Variants in ARPP21 observed in about 807,000 individuals in gnomAD.
The protein encoded by ARPP21 is cAMP-regulated phosphoprotein 21.
A neutral mutation model predicts 113.2 loss-of-function variants in ARPP21; 69 were observed. That is an observed-to-expected ratio of 0.61 (90% CI 0.50 to 0.74). The LOEUF (loss-of-function observed/expected upper bound fraction) is 0.74. Ranked by LOEUF, ARPP21 falls within the 30% of genes least tolerant of loss-of-function variation. ARPP21 has a pLI of 0.00. For synonymous variants in ARPP21, 368 were observed against 375.5 expected, an observed-to-expected ratio of 0.98 and a Z score of 0.23; for missense variants, 1,070 against 1,037.4, an observed-to-expected ratio of 1.03 and a Z score of -0.43.
chr3:35,657,052 A>C (rs1256216421), intron 1 of ARPP21, among the ~76,000 whole-genome samples: 1 of 152,102 alleles, frequency 6.6e-6, no homozygotes, highest in Non-Finnish European at 1.5e-5. Context: ...TCTGACTGAC[A>C]TAGTCCTTAA....
chr3:35,724,555 C>T (rs933087909), intron 14 of ARPP21, among the ~76,000 whole-genome samples: 8 of 152,218 alleles, frequency 5.3e-5, no homozygotes, highest in African/African-American at 1.9e-4. Context: ...ATTTGCATTT[C>T]TGACAAGTTC....
chr3:35,731,994 G>T (rs2094009641), intron 15 of ARPP21, among the ~76,000 whole-genome samples: 1 of 152,128 alleles, frequency 6.6e-6, no homozygotes, highest in South Asian at 2.1e-4. Flanking sequence ...GGATAAAAAA[G>T]TCTTAGGCAC....
At chr3:35,769,744 G>A (rs1481995656) in intron 19 of ARPP21, among the ~76,000 whole-genome samples, 1 of 152,012 alleles carries the variant, frequency 6.6e-6, no homozygotes, top group Non-Finnish European at 1.5e-5. Flanking sequence ...TGATAATTTG[G>A]AGCAGACTTT....
chr3:35,726,939 A>T (rs1055352221), intron 14 of ARPP21, among the ~76,000 whole-genome samples: 4 of 152,236 alleles, frequency 2.6e-5, no homozygotes, highest in Non-Finnish European at 5.9e-5. Flanking sequence ...CGTAGCATCA[A>T]ATTATACACA....
chr3:35,705,863 G>A (rs972572769), intron 9 of ARPP21, among the ~76,000 whole-genome samples: 3 of 151,982 alleles, frequency 2.0e-5, no homozygotes, highest in Non-Finnish European at 1.5e-5. Context: ...TTATGTACAC[G>A]TATTTAAGGA....
At chr3:35,679,337 T>C (rs1444213702) in intron 1 of ARPP21, among the ~76,000 whole-genome samples, 2 of 151,912 alleles carry the variant, frequency 1.3e-5, no homozygotes, top group East Asian at 3.9e-4. Context: ...TTCAGGTAGC[T>C]TTCATAAAGA....
chr3:35,711,173 C>A (rs2091001499), intron 11 of ARPP21, among the ~76,000 whole-genome samples: 1 of 152,126 alleles, frequency 6.6e-6, no homozygotes, highest in Admixed American at 6.5e-5. Context: ...GAGTGGAGGA[C>A]CAGCCTGTTT....
chr3:35,718,408 CAG>C (rs2092697221), intron 13 of ARPP21, among the ~76,000 whole-genome samples: 1 of 152,228 alleles, frequency 6.6e-6, no homozygotes, highest in South Asian at 2.1e-4. Flanking sequence ...TTTGAAAACT[CAG>C]AGAAAAGCTA....
chr3:35,730,684 A>T (rs904628690), intron 15 of ARPP21, among the ~76,000 whole-genome samples: 1 of 152,244 alleles, frequency 6.6e-6, no homozygotes, highest in African/African-American at 2.4e-5. Context: ...GCAAAACTGG[A>T]TAAGTATCTC....
At chr3:35,644,129 C>G (rs1292122424) in intron 1 of ARPP21, among the ~76,000 whole-genome samples, 1 of 151,658 alleles carries the variant, frequency 6.6e-6, no homozygotes, top group Admixed American at 6.6e-5. Flanking sequence ...TGCTGAAGGA[C>G]TGTTGAAGGA....
intron 19 of ARPP21, among the ~76,000 whole-genome samples, chr3:35,770,027 G>C (rs1270112663): frequency 6.6e-6 from 1 of 152,206 alleles, no homozygotes; most frequent in East Asian, 1.9e-4. Flanking sequence ...TGTTGGTACA[G>C]TTAACAGAAT....
intron 14 of ARPP21, among the ~76,000 whole-genome samples, chr3:35,725,351 A>C (rs1284486437): frequency 6.6e-6 from 1 of 152,188 alleles, no homozygotes; most frequent in Non-Finnish European, 1.5e-5. Flanking sequence ...TAAATGTTCT[A>C]AGTATAGGGA....
intron 14 of ARPP21, among the ~76,000 whole-genome samples, chr3:35,727,212 A>T (rs1439818540): frequency 6.6e-6 from 1 of 152,210 alleles, no homozygotes; most frequent in African/African-American, 2.4e-5. Flanking sequence ...AACACTTGTG[A>T]CAGGCCATGG....
At chr3:35,782,462 C>T (rs1049584138) in intron 19 of ARPP21, among the ~76,000 whole-genome samples, 12 of 152,142 alleles carry the variant, frequency 7.9e-5, no homozygotes, top group Non-Finnish European at 1.6e-4. Flanking sequence ...AATGATGTGA[C>T]AGCATTTGGT....
intron 19 of ARPP21, among the ~76,000 whole-genome samples, chr3:35,772,511 G>A (rs2096238785): frequency 6.6e-6 from 1 of 152,154 alleles, no homozygotes. Flanking sequence ...CAATTGGTTG[G>A]TGATTAGTCC....
chr3:35,666,118 A>G (rs1200789280), intron 1 of ARPP21, among the ~76,000 whole-genome samples: 2 of 152,072 alleles, frequency 1.3e-5, no homozygotes, highest in Middle Eastern at 3.2e-3. Context: ...AATAAATAGT[A>G]TATACTGAGA....
At chr3:35,778,844 T>C (rs2096455258) in intron 19 of ARPP21, among the ~76,000 whole-genome samples, 1 of 152,126 alleles carries the variant, frequency 6.6e-6, no homozygotes, top group South Asian at 2.1e-4. Context: ...GTGAGTACAA[T>C]AAGGTGCACC....
At chr3:35,779,142 G>C (rs1267424550) in intron 19 of ARPP21, among the ~76,000 whole-genome samples, 10 of 152,132 alleles carry the variant, frequency 6.6e-5, no homozygotes, top group African/African-American at 2.4e-4. Context: ...AAAGTTTGTT[G>C]GTAGATACTG....
chr3:35,674,169 G>A (rs2076964461), intron 1 of ARPP21, among the ~76,000 whole-genome samples: 1 of 151,944 alleles, frequency 6.6e-6, no homozygotes, highest in Non-Finnish European at 1.5e-5. Flanking sequence ...CCAAACAAGA[G>A]TATCATCATT....
Sources: gnomAD v4.1 joint callset for allele counts (sites outside exome capture counted in the v4.1 genomes callset) on GRCh38, gnomAD v4.1.1 for gene constraint, MANE v1.5 for transcripts, NCBI Gene and HGNC (gene_info 2026-07-23, HGNC 2026-07-21) for gene names.